Variants in VPS37C observed in about 807,000 individuals in gnomAD.
VPS37C encodes the protein vacuolar protein sorting-associated protein 37C.
In VPS37C, 9 loss-of-function variants were observed where a neutral mutation model predicts 16.1. The observed-to-expected ratio is 0.56, with a 90% CI of 0.34 to 0.97. The LOEUF (loss-of-function observed/expected upper bound fraction) is 0.97, where lower values mean the gene tolerates loss of function less well. Ranked by LOEUF, VPS37C falls within the 50% of genes least tolerant of loss-of-function variation. The probability of loss-of-function intolerance (pLI) is 0.02; values close to 1 mark genes in which losing one functional copy is unlikely to be tolerated. For missense variants in VPS37C, 479 were observed against 472.7 expected (o/e 1.01, Z -0.12); for synonymous variants, 207 against 206.4 (o/e 1.00, Z -0.02).
chr11:61,159,484 A>G (rs616547), intron 1 of VPS37C, among the ~76,000 whole-genome samples: 113,523 of 152,044 alleles, frequency 0.75, 43,909 homozygotes, highest in East Asian at 1. Context: ...ACTTCGAAAT[A>G]AGACTGATGG....
chr11:61,156,385 C>T (rs1853376406), intron 1 of VPS37C, among the ~76,000 whole-genome samples: 2 of 152,138 alleles, frequency 1.3e-5, no homozygotes, highest in Admixed American at 1.3e-4. Flanking sequence ...GAGTTCAAGA[C>T]CAGCCTAGCC....
At chr11:61,133,947 C>A in intron 3 of VPS37C, 89 bp downstream of exon 3, 2 of 1,457,224 alleles carry the variant, frequency 1.4e-6, no homozygotes, top group Non-Finnish European at 1.8e-6. Context: ...AAAAAATATA[C>A]ATAAAGCACT....
chr11:61,161,185 TCTCC>T (rs1271609355), intron 1 of VPS37C: 5 of 151,782 alleles, frequency 3.3e-5, no homozygotes, highest in Non-Finnish European at 4.4e-5. Context: ...CGCCTCGCGC[TCTCC>T]CTCCCTCCCT....
At chr11:61,152,956 T>C (rs984796420) in intron 1 of VPS37C, among the ~76,000 whole-genome samples, 1 of 152,236 alleles carries the variant, frequency 6.6e-6, no homozygotes, top group Non-Finnish European at 1.5e-5. Flanking sequence ...CTGCCTTCCA[T>C]GGTACTCTGT....
At chr11:61,148,673 T>C (rs1030372144) in intron 1 of VPS37C, among the ~76,000 whole-genome samples, 3 of 152,206 alleles carry the variant, frequency 2.0e-5, no homozygotes, top group African/African-American at 7.2e-5. Flanking sequence ...AAAGTTACAG[T>C]GTAAACCATG....
At chr11:61,157,765 C>G (rs780908932) in intron 1 of VPS37C, among the ~76,000 whole-genome samples, 10 of 152,202 alleles carry the variant, frequency 6.6e-5, no homozygotes, top group Admixed American at 2.0e-4. Context: ...GGATATTTGT[C>G]TCCTCCAAAT....
chr11:61,140,181 G>C (rs749441359), intron 1 of VPS37C, among the ~76,000 whole-genome samples: 1 of 152,214 alleles, frequency 6.6e-6, no homozygotes, highest in Non-Finnish European at 1.5e-5. Flanking sequence ...TGACAACCCA[G>C]CTGAGAAAGC....
At chr11:61,150,207 T>TC (rs772368566) in intron 1 of VPS37C, among the ~76,000 whole-genome samples, 1 of 151,826 alleles carries the variant, frequency 6.6e-6, no homozygotes. Flanking sequence ...GACATGTGGG[T>TC]CCCCCCCACC....
chr11:61,148,065 A>C (rs1435028874), intron 1 of VPS37C, among the ~76,000 whole-genome samples: 1 of 152,194 alleles, frequency 6.6e-6, no homozygotes, highest in African/African-American at 2.4e-5. Flanking sequence ...CAAACTCCTG[A>C]GCACTGAACA....
At chr11:61,133,481 G>T in intron 3 of VPS37C, 144 bp from the exon 4 acceptor site, 2 of 778,334 alleles carry the variant, frequency 2.6e-6, no homozygotes, top group African/African-American at 1.7e-5. Context: ...GGCTTGATGA[G>T]CACTTTTGGT....
rs1174266280 is a variant in VPS37C at position 61,132,475 on chromosome 11, G to A, written c.413C>T (p.Ser138Phe). The A allele has an allele frequency of 6.2e-7, 1 of 1,612,362 alleles. No individual in the cohort carries two copies. The highest frequency in any genetic ancestry group is 8.5e-7 in the Non-Finnish European group (1 of 1,179,424). Reference protein sequence around the residue: ...PLETFLENFSSMRMLSHLRRV... With the variant: ...PLETFLENFSFMRMLSHLRRV... ...GCGCAGGTGGGACAGCATCCTCATGGAGGAAAAATTCTCCAGGAACGTTTC... is the reference window on the plus strand; with the variant it reads ...GCGCAGGTGGGACAGCATCCTCATGAAGGAAAAATTCTCCAGGAACGTTTC... Residue 138 changes from serine to phenylalanine, a missense_variant, in exon 5 of 5, where the codon TCC (serine) becomes TTC (phenylalanine). Physicochemically the swap from Ser to Phe is radical, Grantham distance 155. Transcript: ENST00000301765.
At chr11:61,153,319 T>C (rs1221033745) in intron 1 of VPS37C, among the ~76,000 whole-genome samples, 1 of 152,224 alleles carries the variant, frequency 6.6e-6, no homozygotes, top group Non-Finnish European at 1.5e-5. Flanking sequence ...CTGCCGCCAT[T>C]AAGACGAACG....
chr11:61,155,579 C>A (rs1163187416), intron 1 of VPS37C, among the ~76,000 whole-genome samples: 1 of 151,932 alleles, frequency 6.6e-6, no homozygotes, highest in Non-Finnish European at 1.5e-5. Context: ...ACTGGAACAT[C>A]TTTAAAGCAC....
intron 2 of VPS37C, among the ~76,000 whole-genome samples, chr11:61,136,033 G>C (rs1042071895): frequency 6.6e-6 from 1 of 152,132 alleles, no homozygotes; most frequent in African/African-American, 2.4e-5. Context: ...AGCTGAGTAG[G>C]GTGACTATGG....
intron 2 of VPS37C, among the ~76,000 whole-genome samples, chr11:61,136,573 A>G (rs1861378846): frequency 6.6e-6 from 1 of 151,186 alleles, no homozygotes; most frequent in South Asian, 2.1e-4. Context: ...GATGCATATT[A>G]GGGGTTCAGT....
intron 4 of VPS37C, chr11:61,132,760 G>A (rs117625113): frequency 0.016 from 10,576 of 672,354 alleles, 210 homozygotes; most frequent in South Asian, 0.067. Context: ...TGTCTCTGTC[G>A]TGGTCACCTC....
chr11:61,159,847 A>C (rs1460580567), intron 1 of VPS37C, among the ~76,000 whole-genome samples: 1 of 137,536 alleles, frequency 7.3e-6, no homozygotes, highest in Non-Finnish European at 1.5e-5. Flanking sequence ...GGTTGCAGTG[A>C]GCTGAGATCA....
intron 3 of VPS37C, among the ~76,000 whole-genome samples, chr11:61,133,820 A>G (rs1265567201): frequency 1.3e-5 from 2 of 152,186 alleles, no homozygotes; most frequent in African/African-American, 2.4e-5. Context: ...TCAAATCCCA[A>G]TTCCACCTAT....
Position 61,131,669 on chromosome 11 carries a change from A to T in VPS37C, c.*151T>A. The T allele has an allele frequency of 9.2e-7, 1 of 1,091,534 alleles. No individual in the cohort carries two copies. The highest frequency in any genetic ancestry group is 1.2e-6 in the Non-Finnish European group (1 of 860,498). 67.6% of individuals were successfully genotyped at this position (1,091,534 alleles called of 1,614,324 possible). The stretch of plus-strand genomic sequence containing the variant: ...AGTGCCATGACCAGTCACACCGCCC[A>T]GTGCCTTGTCCCTCCAAGGCCTCTG... On this transcript the variant is annotated 3_prime_UTR_variant, in exon 5 of 5. Coordinates refer to ENST00000301765, the MANE Select transcript of VPS37C (RefSeq NM_017966.5).
Sources: gnomAD v4.1 joint callset for allele counts (sites outside exome capture counted in the v4.1 genomes callset) on GRCh38, gnomAD v4.1.1 for gene constraint, MANE v1.5 for transcripts, NCBI Gene and HGNC (gene_info 2026-07-23, HGNC 2026-07-21) for gene names.